PBX1: variants seen among roughly 807,000 people sequenced by gnomAD.
PBX1 encodes PBX homeobox 1, also known as pre-B-cell leukemia transcription factor 1.
In PBX1, 6 loss-of-function variants were observed where a neutral mutation model predicts 53.4. The observed-to-expected ratio is 0.11, with a 90% CI of 0.06 to 0.22. PBX1 has a LOEUF of 0.22. Ranked by LOEUF, PBX1 falls within the 10% of genes least tolerant of loss-of-function variation. PBX1 has a pLI of 1.00. For missense variants in PBX1, 251 were observed against 551.4 expected (o/e 0.46, Z 5.46); for synonymous variants, 204 against 212.3 (o/e 0.96, Z 0.34).
chr1:164,779,442 G>A (rs1043934952), intron 2 of PBX1, among the ~76,000 whole-genome samples: 9 of 152,224 alleles, frequency 5.9e-5, no homozygotes, highest in African/African-American at 2.2e-4. Context: ...CACTTTGTGC[G>A]GGTTGAGAGA....
At chr1:164,758,700 CTT>C (rs112745235) in intron 2 of PBX1, among the ~76,000 whole-genome samples, 1 of 146,532 alleles carries the variant, frequency 6.8e-6, no homozygotes, top group African/African-American at 2.5e-5. Flanking sequence ...AGTTAGATCA[CTT>C]TTTTTTTTTT....
chr1:164,678,142 T>C (rs138923405), intron 2 of PBX1, among the ~76,000 whole-genome samples: 16 of 152,208 alleles, frequency 1.1e-4, no homozygotes, highest in South Asian at 2.1e-4. Context: ...AAGGGGGTGA[T>C]CCAATGGAAT....
chr1:164,606,817 T>C (rs565009754), intron 2 of PBX1, among the ~76,000 whole-genome samples: 20 of 152,358 alleles, frequency 1.3e-4, no homozygotes, highest in Admixed American at 1.0e-3. Flanking sequence ...TTATAAGATA[T>C]ATTACATTAA....
At chr1:164,726,853 G>A (rs761044603) in intron 2 of PBX1, among the ~76,000 whole-genome samples, 8 of 152,166 alleles carry the variant, frequency 5.3e-5, no homozygotes, top group South Asian at 2.1e-4. Context: ...ACTTCTAGGC[G>A]AAATGGCATT....
chr1:164,647,471 C>A (rs930590486), intron 2 of PBX1, among the ~76,000 whole-genome samples: 1 of 152,156 alleles, frequency 6.6e-6, no homozygotes, highest in African/African-American at 2.4e-5. Context: ...TTCTGTCAGC[C>A]TCCTCCATGA....
rs971293126 is a variant in PBX1, at chr1:164,776,913, G to A, written c.266-15581G>A. Among the ~76,000 whole-genome samples the A allele has an allele frequency of 2.0e-3, 271 of 133,404 alleles. 3 individuals are homozygous for A. Among genetic ancestry groups the A allele is most frequent in the African/African-American group, 6.7e-3 (244 of 36,472 alleles). The allele number at this position is 133,404 out of a possible 152,430, so 87.5% of individuals were successfully genotyped here. A position where few individuals can be genotyped will look rare whatever the true frequency, so the allele number is the denominator to read the frequency against. ...TGGTTTTACATTTGTGTGTGTGTGT[G>A]TGTGTGTGTGTGTGTGTGTGTGGTG... is the stretch of plus-strand genomic sequence containing the variant. On this transcript the variant is annotated intron_variant, in intron 2 of 8. Transcript: ENST00000420696.
chr1:164,580,633 A>G (rs1369110103), intron 2 of PBX1, among the ~76,000 whole-genome samples: 3 of 149,810 alleles, frequency 2.0e-5, no homozygotes, highest in Non-Finnish European at 4.4e-5. Flanking sequence ...CTAGAGTGCA[A>G]TGATGCAATC....
chr1:164,770,792 T>C (rs937227695), intron 2 of PBX1: 1 of 152,076 alleles, frequency 6.6e-6, no homozygotes, highest in Non-Finnish European at 1.5e-5. Flanking sequence ...TACATAGGCT[T>C]GAGATACATG....
chr1:164,793,762 C>T (rs1668637138), intron 3 of PBX1, among the ~76,000 whole-genome samples: 1 of 142,280 alleles, frequency 7.0e-6, no homozygotes, highest in Admixed American at 6.9e-5. Context: ...TGAAGTTCTC[C>T]ATTACCCTAC....
intron 2 of PBX1, among the ~76,000 whole-genome samples, chr1:164,619,138 A>G (rs1657502617): frequency 6.6e-6 from 1 of 152,160 alleles, no homozygotes; most frequent in South Asian, 2.1e-4. Flanking sequence ...ACAGGAAACC[A>G]GCTCTCTGCC....
At chr1:164,645,052 A>G (rs1407594131) in intron 2 of PBX1, among the ~76,000 whole-genome samples, 1 of 152,054 alleles carries the variant, frequency 6.6e-6, no homozygotes, top group Non-Finnish European at 1.5e-5. Flanking sequence ...CTCTTTGTTT[A>G]GTTTTGGGTT....
intron 2 of PBX1, among the ~76,000 whole-genome samples, chr1:164,681,005 TG>T (rs1429792255): frequency 6.6e-6 from 1 of 152,190 alleles, no homozygotes; most frequent in African/African-American, 2.4e-5. Context: ...GGCTCATGCC[TG>T]TAATCCCAGC....
Position 164,560,394 on chromosome 1 carries a change from C to T in PBX1, c.191+381C>T, listed in dbSNP as rs374743860. 5.8e-5 allele frequency: 23 copies of T among 394,726 alleles called. No individual in the cohort carries two copies. The South Asian group carries it at 3.0e-3, about 52-fold the overall frequency. The allele number at this position is 394,726 out of a possible 1,614,324, so 24.5% of individuals were successfully genotyped here. On this transcript the variant is annotated intron_variant, in intron 1 of 8. Transcript: ENST00000420696. ...AATTGTCAAGTTTTGAACAGCATTCCATGCCTTCTTGTTGAGGGGACTCTG... is the reference window on the plus strand; with the variant it reads ...AATTGTCAAGTTTTGAACAGCATTCTATGCCTTCTTGTTGAGGGGACTCTG...
chr1:164,621,360 TC>T (rs1348853512), intron 2 of PBX1, among the ~76,000 whole-genome samples: 2 of 152,186 alleles, frequency 1.3e-5, no homozygotes, highest in Non-Finnish European at 1.5e-5. Context: ...TTTTCTTTTA[TC>T]CCCAACGGGG....
At chr1:164,787,543 A>G (rs1668266550) in intron 2 of PBX1, 1 of 152,236 alleles carries the variant, frequency 6.6e-6, no homozygotes, top group Non-Finnish European at 1.5e-5. Flanking sequence ...TCACTCAGCC[A>G]AGGACAAAAC....
intron 2 of PBX1, among the ~76,000 whole-genome samples, chr1:164,707,454 A>G (rs1343029369): frequency 6.8e-6 from 1 of 146,798 alleles, no homozygotes; most frequent in Non-Finnish European, 1.5e-5. Context: ...AGAGAGAGAG[A>G]GAAAGTGCTG....
chr1:164,694,812 T>C (rs1285286007), intron 2 of PBX1, among the ~76,000 whole-genome samples: 1 of 152,206 alleles, frequency 6.6e-6, no homozygotes, highest in Non-Finnish European at 1.5e-5. Context: ...ACTAAACACA[T>C]TCTAACTATT....
chr1:164,588,307 G>A (rs1432751519), intron 2 of PBX1, among the ~76,000 whole-genome samples: 2 of 152,006 alleles, frequency 1.3e-5, no homozygotes, highest in Non-Finnish European at 2.9e-5. Flanking sequence ...AGACAAACTG[G>A]CTTTTGCTGT....
chr1:164,861,854 G>A (rs1672106476), intron 2 of PBX1, among the ~76,000 whole-genome samples: 1 of 152,212 alleles, frequency 6.6e-6, no homozygotes, highest in Non-Finnish European at 1.5e-5. Flanking sequence ...AGGAACATAT[G>A]TGGTAGGTTT....
Sources: allele counts gnomAD v4.1 joint callset (sites outside exome capture counted in the v4.1 genomes callset), GRCh38; gene constraint gnomAD v4.1.1; transcripts MANE v1.5; gene names NCBI Gene and HGNC (gene_info 2026-07-23, HGNC 2026-07-21).